KCNB2: variants seen among roughly 807,000 people sequenced by gnomAD.
The protein encoded by KCNB2 is delayed rectifier potassium channel protein.
A neutral mutation model predicts 61.5 loss-of-function variants in KCNB2; 15 were observed. That is an observed-to-expected ratio of 0.24 (90% CI 0.16 to 0.38). The LOEUF (loss-of-function observed/expected upper bound fraction) is 0.38, where lower values mean the gene tolerates loss of function less well. Ranked by LOEUF, KCNB2 falls within the 10% of genes least tolerant of loss-of-function variation. The probability of loss-of-function intolerance (pLI) is 1.00; values close to 1 mark genes in which losing one functional copy is unlikely to be tolerated. For synonymous variants in KCNB2, 457 were observed against 446.0 expected, an observed-to-expected ratio of 1.02 and a Z score of -0.31; for missense variants, 828 against 1,125.2, an observed-to-expected ratio of 0.74 and a Z score of 3.78.
chr8:72,678,185 C>T (rs1458667908), intron 2 of KCNB2, among the ~76,000 whole-genome samples: 1 of 152,188 alleles, frequency 6.6e-6, no homozygotes, highest in Non-Finnish European at 1.5e-5. Flanking sequence ...TTTTCACCAC[C>T]TCTGCTGCCT....
At chr8:72,561,329 G>A (rs1300617005) in intron 1 of KCNB2, among the ~76,000 whole-genome samples, 4 of 151,626 alleles carry the variant, frequency 2.6e-5, no homozygotes, top group Non-Finnish European at 4.4e-5. Context: ...GATAATTTTT[G>A]TATTTTTTGT....
At chr8:72,868,074 TA>T (rs1218407781) in intron 2 of KCNB2, among the ~76,000 whole-genome samples, 58 of 146,740 alleles carry the variant, frequency 4.0e-4, no homozygotes, top group African/African-American at 1.3e-3. Flanking sequence ...TTTTATTATT[TA>T]TTTTTTTTTT....
At chr8:72,902,616 G>T (rs1806108916) in intron 2 of KCNB2, among the ~76,000 whole-genome samples, 1 of 152,100 alleles carries the variant, frequency 6.6e-6, no homozygotes, top group Non-Finnish European at 1.5e-5. Context: ...CTCTGATAAG[G>T]CCTATTGCCT....
chr8:72,727,780 C>T (rs570590898), intron 2 of KCNB2, among the ~76,000 whole-genome samples: 1 of 152,234 alleles, frequency 6.6e-6, no homozygotes, highest in African/African-American at 2.4e-5. Context: ...GACTGAAAAA[C>T]ACAGAATGTA....
At chr8:72,637,150 C>T (rs1805979029) in intron 2 of KCNB2, among the ~76,000 whole-genome samples, 1 of 152,150 alleles carries the variant, frequency 6.6e-6, no homozygotes. Context: ...AGTCTTACGC[C>T]TCTGACTCAG....
chr8:72,543,929 T>C (rs910116580), intron 1 of KCNB2, among the ~76,000 whole-genome samples: 1 of 152,186 alleles, frequency 6.6e-6, no homozygotes, highest in Non-Finnish European at 1.5e-5. Flanking sequence ...ATGTTTTTAG[T>C]ATGAAGGTAA....
rs35073549 is a variant in KCNB2, at chr8:72,546,516, C to CAA, written c.-94+8645_-94+8646dup. Among the ~76,000 whole-genome samples the CAA allele has an allele frequency of 1.4e-3, 163 of 117,380 alleles. 1 individual carries two copies. The highest frequency in any genetic ancestry group is 3.1e-3 in the African/African-American group (100 of 32,726). 77.0% of individuals were successfully genotyped at this position (117,380 alleles called of 152,430 possible). A position where few individuals can be genotyped will look rare whatever the true frequency, so the allele number is the denominator to read the frequency against. On this transcript the variant is annotated intron_variant, in intron 1 of 2. Transcript: ENST00000523207. The stretch of plus-strand genomic sequence containing the variant: ...TGGGTGGCAGAGCAAGACTCTGTGT[C>CAA]AAAAAAAAAAAAAAAGTGCAAGGTG...
intron 2 of KCNB2, among the ~76,000 whole-genome samples, chr8:72,675,822 G>T (rs568830374): frequency 6.6e-6 from 1 of 152,254 alleles, no homozygotes; most frequent in East Asian, 1.9e-4. Flanking sequence ...AAAGTGCTGG[G>T]ATTACAGGCA....
chr8:72,787,761 G>A (rs1423009866), intron 2 of KCNB2, among the ~76,000 whole-genome samples: 1 of 151,998 alleles, frequency 6.6e-6, no homozygotes, highest in Middle Eastern at 3.2e-3. Flanking sequence ...TAAAATATTG[G>A]CAAATGAATG....
At chr8:72,819,280 C>T (rs542133645) in intron 2 of KCNB2, among the ~76,000 whole-genome samples, 143 of 152,072 alleles carry the variant, frequency 9.4e-4, no homozygotes, top group Non-Finnish European at 1.7e-3. Context: ...TGGCAGCAAC[C>T]GGCCCAGAGC....
intron 2 of KCNB2, among the ~76,000 whole-genome samples, chr8:72,721,564 G>A (rs1273374516): frequency 2.6e-5 from 4 of 152,224 alleles, no homozygotes; most frequent in Admixed American, 6.5e-5. Flanking sequence ...GAAGGAATGG[G>A]AAGGTAACAG....
At chr8:72,739,333 T>C (rs948905671) in intron 2 of KCNB2, among the ~76,000 whole-genome samples, 15 of 151,690 alleles carry the variant, frequency 9.9e-5, no homozygotes, top group African/African-American at 3.6e-4. Flanking sequence ...AAAATATCAA[T>C]GAGGTATGGA....
intron 2 of KCNB2, among the ~76,000 whole-genome samples, chr8:72,882,533 G>GAGAC (rs1805731316): frequency 1.3e-5 from 2 of 150,818 alleles, no homozygotes; most frequent in South Asian, 4.2e-4. Flanking sequence ...GAGAGAGAGA[G>GAGAC]AGAGAGAGAG....
At chr8:72,657,460 T>C (rs1380964755) in intron 2 of KCNB2, among the ~76,000 whole-genome samples, 1 of 152,180 alleles carries the variant, frequency 6.6e-6, no homozygotes, top group Non-Finnish European at 1.5e-5. Context: ...TCAAGATTAC[T>C]CTTGTAAAAC....
chr8:72,815,683 C>A (rs951643751), intron 2 of KCNB2, among the ~76,000 whole-genome samples: 4 of 152,132 alleles, frequency 2.6e-5, no homozygotes, highest in South Asian at 2.1e-4. Flanking sequence ...CATCTTAAAA[C>A]AAAGGGCAGG....
chr8:72,907,491 A>T (rs527801556), intron 2 of KCNB2, among the ~76,000 whole-genome samples: 10 of 152,328 alleles, frequency 6.6e-5, no homozygotes, highest in Admixed American at 2.6e-4. Context: ...AGATGGATGG[A>T]ACAGATAAAG....
chr8:72,700,977 G>C (rs909306467), intron 2 of KCNB2, among the ~76,000 whole-genome samples: 18 of 152,064 alleles, frequency 1.2e-4, no homozygotes, highest in African/African-American at 3.6e-4. Context: ...AATTAACCCA[G>C]GAACAAGAAT....
chr8:72,676,352 C>T (rs1321035123), intron 2 of KCNB2, among the ~76,000 whole-genome samples: 1 of 151,758 alleles, frequency 6.6e-6, no homozygotes, highest in Non-Finnish European at 1.5e-5. Flanking sequence ...TGTTAAAATC[C>T]ACGTGCAGTA....
intron 2 of KCNB2, among the ~76,000 whole-genome samples, chr8:72,850,190 AGTGTGTGTGTGTGT>A (rs745821437): frequency 1.1e-5 from 1 of 87,950 alleles, no homozygotes; most frequent in African/African-American, 3.7e-5. Context: ...AGTGTATGTA[AGTGTGTGTGTGTGT>A]GTGTGTGTGT....
Sources: gnomAD v4.1 joint callset for allele counts (sites outside exome capture counted in the v4.1 genomes callset) on GRCh38, gnomAD v4.1.1 for gene constraint, MANE v1.5 for transcripts, NCBI Gene and HGNC (gene_info 2026-07-23, HGNC 2026-07-21) for gene names.